Variants in GOLIM4 observed in about 807,000 individuals in gnomAD.
GOLIM4 encodes the protein 130 kDa golgi-localized phosphoprotein.
In GOLIM4, 71 loss-of-function variants were observed where a neutral mutation model predicts 107.4. That is an observed-to-expected ratio of 0.66 (90% CI 0.55 to 0.81). The LOEUF (loss-of-function observed/expected upper bound fraction) is 0.81. Ranked by LOEUF, GOLIM4 falls within the 30% of genes least tolerant of loss-of-function variation. The probability of loss-of-function intolerance (pLI) is 0.00; values close to 1 mark genes in which losing one functional copy is unlikely to be tolerated. For missense variants in GOLIM4, 830 were observed against 826.1 expected, an observed-to-expected ratio of 1.00 and a Z score of -0.06; for synonymous variants, 327 against 294.8, an observed-to-expected ratio of 1.11 and a Z score of -1.12.
rs763600723 is a variant in GOLIM4 at position 168,024,564 on chromosome 3, T to C, written c.1822A>G (p.Asn608Asp). Residue 608 changes from asparagine to aspartate, a missense_variant, in exon 14 of 16, where the codon AAT (asparagine) becomes GAT (aspartate). Transcript: ENST00000470487. Reference sequence around the variant, plus strand: ...TCTTCCTGGTACTGTTCATCAACATTGTCCTCCTGCTGGTCTGGATTTCCT... The same window carrying C: ...TCTTCCTGGTACTGTTCATCAACATCGTCCTCCTGCTGGTCTGGATTTCCT... ...MAGNPDQQEDNVDEQYQEEAE... is the reference protein window; with the variant it reads ...MAGNPDQQEDDVDEQYQEEAE... 9.9e-6 allele frequency: 16 copies of C among 1,613,402 alleles called. 1 individual carries two copies. The East Asian group carries it at 2.7e-4, about 27-fold the overall frequency.
chr3:168,013,336 C>T (rs1717168287), intron 14 of GOLIM4, among the ~76,000 whole-genome samples: 3 of 152,028 alleles, frequency 2.0e-5, no homozygotes, highest in Admixed American at 6.5e-5. Flanking sequence ...ACAAGAAGAG[C>T]TAACTATCCT....
At chr3:168,078,552 G>A (rs1284683987) in intron 1 of GOLIM4, among the ~76,000 whole-genome samples, 5 of 151,936 alleles carry the variant, frequency 3.3e-5, no homozygotes, top group Admixed American at 3.3e-4. Flanking sequence ...CTAGTTTAAC[G>A]ACTCACTAGA....
At chr3:168,061,188 T>G (rs1215981011) in intron 1 of GOLIM4, among the ~76,000 whole-genome samples, 3 of 150,732 alleles carry the variant, frequency 2.0e-5, no homozygotes, top group Non-Finnish European at 2.9e-5. Context: ...GCCACTTAAA[T>G]ATATCCTACT....
At chr3:168,086,540 A>T (rs752176257) in intron 1 of GOLIM4, among the ~76,000 whole-genome samples, 7 of 152,216 alleles carry the variant, frequency 4.6e-5, no homozygotes, top group Non-Finnish European at 1.0e-4. Flanking sequence ...CCCAAAGAAA[A>T]GCAAATAATA....
At chr3:168,033,077 T>C (rs1718429373) in intron 8 of GOLIM4, among the ~76,000 whole-genome samples, 1 of 152,150 alleles carries the variant, frequency 6.6e-6, no homozygotes. Context: ...CTGTGAAGAA[T>C]ACAGTAAATA....
chr3:168,012,683 C>T (rs1304168374), intron 14 of GOLIM4, among the ~76,000 whole-genome samples: 2 of 151,410 alleles, frequency 1.3e-5, no homozygotes, highest in African/African-American at 2.5e-5. Context: ...AGACTAACAG[C>T]GGATCTCTCG....
At chr3:168,023,052 C>G (rs575776764) in intron 14 of GOLIM4, among the ~76,000 whole-genome samples, 8 of 152,196 alleles carry the variant, frequency 5.3e-5, no homozygotes, top group Non-Finnish European at 2.9e-5. Flanking sequence ...TCTCCTGTAC[C>G]TTAACTGATC....
At position 168,032,600 on chromosome 3, in the gene GOLIM4, C is replaced by T; in HGVS notation, c.1096G>A (p.Glu366Lys). ...TCTTTCCACTCCCGATCCTGCTCCT[C>T]TGGTGATGGATCGTGTTCCTCCTCA... Reference protein sequence around the residue: ...HLEEEHDPSPEEQDREWKEQH... With the variant: ...HLEEEHDPSPKEQDREWKEQH... Residue 366 changes from glutamate (E) to lysine (K), a missense_variant, in exon 9 of 16, where the codon GAG becomes AAG. Transcript: ENST00000470487. 6.2e-7 allele frequency: 1 copy of T among 1,614,096 alleles called. No homozygotes were observed. The highest frequency in any genetic ancestry group is 8.5e-7 in the Non-Finnish European group (1 of 1,180,016).
At chr3:168,047,348 A>G (rs1291957263) in intron 2 of GOLIM4, among the ~76,000 whole-genome samples, 2 of 152,360 alleles carry the variant, frequency 1.3e-5, no homozygotes, top group Admixed American at 1.3e-4. Context: ...GCTATCCACT[A>G]GATGGCACAC....
intron 13 of GOLIM4, 88 bp from the exon 14 acceptor site, chr3:168,024,682 C>A: frequency 9.0e-7 from 1 of 1,116,468 alleles, no homozygotes; most frequent in East Asian, 2.4e-5. Context: ...AAGCATGCCA[C>A]CATGAAAAGG....
intron 1 of GOLIM4, among the ~76,000 whole-genome samples, chr3:168,051,462 T>C (rs893792850): frequency 8.5e-5 from 13 of 152,104 alleles, no homozygotes; most frequent in African/African-American, 3.1e-4. Context: ...CCTGAATAAA[T>C]CCCATAAAAT....
rs1722132891 is a variant in GOLIM4, at chr3:168,095,328, C to T, written c.-43G>A. 2 of 1,571,468 alleles carry T rather than the reference C, an allele frequency of 1.3e-6. No homozygotes were observed. Among genetic ancestry groups the T allele is most frequent in the Non-Finnish European group, 1.7e-6 (2 of 1,150,956 alleles). On this transcript the variant is annotated 5_prime_UTR_variant, in exon 1 of 16. Transcript: ENST00000470487. ...AAGCCGCGGCCGCCCCCGCCGTCTC[C>T]TCCCCTTGGTCCGAGCGAGCGTCTC...
At chr3:168,016,175 G>T (rs1717351274) in intron 14 of GOLIM4, among the ~76,000 whole-genome samples, 1 of 134,084 alleles carries the variant, frequency 7.5e-6, no homozygotes, top group Non-Finnish European at 1.5e-5. Flanking sequence ...AATCTACAAT[G>T]AACTCAAACA....
intron 1 of GOLIM4, among the ~76,000 whole-genome samples, chr3:168,073,602 A>G (rs1720937461): frequency 6.6e-6 from 1 of 152,230 alleles, no homozygotes; most frequent in African/African-American, 2.4e-5. Flanking sequence ...CAAACAAGAT[A>G]TATAATAAAC....
At chr3:168,042,866 A>G (rs546998050) in intron 5 of GOLIM4, among the ~76,000 whole-genome samples, 32 of 152,344 alleles carry the variant, frequency 2.1e-4, no homozygotes, top group African/African-American at 7.2e-4. Context: ...CACAGTTGTC[A>G]CACAACTTAC....
At chr3:168,088,425 C>T (rs753531372) in intron 1 of GOLIM4, among the ~76,000 whole-genome samples, 2 of 152,146 alleles carry the variant, frequency 1.3e-5, no homozygotes, top group Non-Finnish European at 2.9e-5. Flanking sequence ...GACTCATACT[C>T]GTCACTTCAG....
chr3:168,029,736 T>G (rs1200226329), intron 10 of GOLIM4, 44 bp downstream of exon 10: 2 of 1,597,186 alleles, frequency 1.3e-6, no homozygotes, highest in African/African-American at 1.3e-5. Context: ...GTATGAAAAC[T>G]GGAGCAGGGG....
intron 1 of GOLIM4, among the ~76,000 whole-genome samples, chr3:168,058,796 T>A (rs1720111296): frequency 1.3e-5 from 2 of 152,182 alleles, no homozygotes; most frequent in Admixed American, 1.3e-4. Context: ...AAGACATGTA[T>A]AAGTGTATAT....
chr3:168,043,613 CAAAT>C (rs1448173494), intron 4 of GOLIM4, 84 bp from the exon 5 acceptor site: 3 of 1,070,298 alleles, frequency 2.8e-6, no homozygotes, highest in East Asian at 2.6e-5. Context: ...TAAACAAAAA[CAAAT>C]GAAAGCAAGC....
Sources: gnomAD v4.1 joint callset for allele counts (sites outside exome capture counted in the v4.1 genomes callset) on GRCh38, gnomAD v4.1.1 for gene constraint, MANE v1.5 for transcripts, NCBI Gene and HGNC (gene_info 2026-07-23, HGNC 2026-07-21) for gene names.